Variants in GAK observed in about 807,000 individuals in gnomAD.
GAK encodes the protein cyclin G associated kinase, also known as cyclin-G-associated kinase.
A neutral mutation model predicts 143.9 loss-of-function variants in GAK; 79 were observed. The observed-to-expected ratio is 0.55, with a 90% CI of 0.46 to 0.66. The LOEUF is 0.66. Ranked by LOEUF, GAK falls within the 30% of genes least tolerant of loss-of-function variation. GAK has a pLI of 0.00. For missense variants in GAK, 1,693 were observed against 1,779.7 expected (o/e 0.95, Z 0.88); for synonymous variants, 881 against 765.5 (o/e 1.15, Z -2.49).
At chr4:859,555 A>T in intron 24 of GAK, 51 bp downstream of exon 24, 2 of 1,586,026 alleles carry the variant, frequency 1.3e-6, no homozygotes, top group Non-Finnish European at 1.7e-6. Flanking sequence ...ACGAGAATAA[A>T]CCTCCTACAA....
intron 11 of GAK, chr4:884,455 G>A (rs1028300620): frequency 1.2e-5 from 3 of 250,812 alleles, no homozygotes; most frequent in Non-Finnish European, 1.6e-5. Flanking sequence ...GAGAGCAAGG[G>A]TGGCTTGGAC....
At chr4:854,118 CTTTT>C (rs573575985) in intron 24 of GAK, among the ~76,000 whole-genome samples, 107 of 139,282 alleles carry the variant, frequency 7.7e-4, no homozygotes, top group South Asian at 4.7e-3. Flanking sequence ...CATTTTCTTT[CTTTT>C]TTTTTTTTTT....
intron 24 of GAK, chr4:859,259 C>T (rs1749834914): frequency 1.6e-6 from 2 of 1,220,234 alleles, no homozygotes; most frequent in Admixed American, 2.9e-5. Context: ...GCTCCGAGCA[C>T]AGCCTCGGGG....
At position 849,955 on chromosome 4, in the gene GAK, C is replaced by T. The variant is rs751145111; in HGVS notation, c.3771G>A (p.Leu1257=). 1.2e-6 allele frequency: 2 copies of T among 1,611,856 alleles called. No individual in the cohort carries two copies. Among genetic ancestry groups the T allele is most frequent in the Admixed American group, 1.7e-5 (1 of 59,924 alleles). ...SRWTPVGMAD[L]VAPEQVKKHY... ...GCTTCTTCACTTGCTCCGGAGCCAC[C>T]AGGTCGGCCATGCCCACGGGCGTCC... Residue 1257 remains leucine (L), a synonymous_variant, in exon 27 of 28, where the codon CTG becomes CTA. Coordinates refer to ENST00000314167, the MANE Select transcript of GAK (RefSeq NM_005255.4).
At chr4:857,137 G>A (rs1390412996) in intron 24 of GAK, among the ~76,000 whole-genome samples, 1 of 152,210 alleles carries the variant, frequency 6.6e-6, no homozygotes, top group African/African-American at 2.4e-5. Flanking sequence ...TAACAATTCT[G>A]AAATGTCAGC....
At chr4:894,868 C>T (rs1313241731) in intron 7 of GAK, 1 of 152,202 alleles carries the variant, frequency 6.6e-6, no homozygotes, top group African/African-American at 2.4e-5. Context: ...GTAGTCCCAG[C>T]TACTCAGGAG....
chr4:912,311 T>C, intron 3 of GAK: 1 of 388,830 alleles, frequency 2.6e-6, no homozygotes, highest in Non-Finnish European at 5.3e-6. Flanking sequence ...CGCCCAGTCA[T>C]GCTGGGACAG....
rs758194395 is a variant in GAK, at chr4:932,161, G to A, written c.27C>T (p.Asp9=). The A allele has an allele frequency of 1.2e-5, 19 of 1,577,534 alleles. No homozygotes were observed. Among genetic ancestry groups the A allele is most frequent in the Admixed American group, 7.2e-5 (4 of 55,722 alleles). Residue 9 remains aspartate (D), a synonymous_variant, in exon 1 of 28, where the codon GAC becomes GAT. Transcript: ENST00000314167. The surrounding 1 kb of genome is among the most constrained non-coding windows in gnomAD (Gnocchi z 4.0). ...CCAGGGAGCCTGGACCCGCCAAGAAGTCGAGCGCCGACTGCAGCAGCGACA... is the reference window on the plus strand; with the variant it reads ...CCAGGGAGCCTGGACCCGCCAAGAAATCGAGCGCCGACTGCAGCAGCGACA... MSLLQSAL[D]FLAGPGSLGG... is the part of the protein sequence containing the mutation.
At chr4:919,091 T>C (rs1325628749) in intron 1 of GAK, among the ~76,000 whole-genome samples, 1 of 147,580 alleles carries the variant, frequency 6.8e-6, no homozygotes, top group East Asian at 2.0e-4. Flanking sequence ...GACAGAAGGC[T>C]CCAAAGGCCT....
intron 4 of GAK, among the ~76,000 whole-genome samples, chr4:907,090 C>T (rs571327508): frequency 2.6e-5 from 4 of 152,352 alleles, no homozygotes; most frequent in East Asian, 3.9e-4. Flanking sequence ...CACAGCAGAG[C>T]GTGTAGCCGA....
intron 1 of GAK, among the ~76,000 whole-genome samples, chr4:928,837 C>G (rs1362131673): frequency 3.9e-5 from 6 of 152,034 alleles, no homozygotes; most frequent in Non-Finnish European, 8.8e-5. Context: ...GATCTTGGCT[C>G]ACCGCATCCT....
intron 4 of GAK, among the ~76,000 whole-genome samples, chr4:908,922 C>T: frequency 6.6e-6 from 1 of 152,190 alleles, no homozygotes. Flanking sequence ...TCACTGCAAC[C>T]TCCACCTCCC....
intron 1 of GAK, among the ~76,000 whole-genome samples, chr4:930,812 G>A (rs1035629616): frequency 6.6e-6 from 1 of 152,072 alleles, no homozygotes; most frequent in Non-Finnish European, 1.5e-5. Context: ...GACCACAATG[G>A]AGACAAAGTG....
At chr4:902,388 C>G (rs959253035) in intron 5 of GAK, among the ~76,000 whole-genome samples, 1 of 151,544 alleles carries the variant, frequency 6.6e-6, no homozygotes, top group Non-Finnish European at 1.5e-5. Flanking sequence ...GTGGATCACT[C>G]GAGCTCAGGA....
chr4:867,324 G>A lies in GAK; in HGVS notation c.2504C>T (p.Pro835Leu), dbSNP rs199860840. 46 of 1,610,734 alleles carry A rather than the reference G, an allele frequency of 2.9e-5. No individual in the cohort carries two copies. In the East Asian group the frequency reaches 7.6e-4, roughly 27 times the overall value. ...ESEVSDEGGS[P>L]ISSEGQEPRA... ...GGGTTCCTGGCCCTCGCTGGAGATC[G>A]GGGATCCCCCTTCATCTGACACCTC... is the stretch of plus-strand genomic sequence containing the variant. The change falls in exon 21 of 28, where the codon CCG (proline) becomes CTG (leucine). Residue 835 changes from proline (P) to leucine (L), a missense_variant. Pro to Leu is a moderately conservative substitution (Grantham distance 98). This residue lies in a region of GAK where 822 missense variants were observed against 788.7 expected (regional missense o/e 1.04). Transcript: ENST00000314167.
At chr4:861,412 C>A (rs1320130816) in intron 23 of GAK, among the ~76,000 whole-genome samples, 1 of 152,042 alleles carries the variant, frequency 6.6e-6, no homozygotes, top group African/African-American at 2.4e-5. Flanking sequence ...CAACACGGAC[C>A]CCATCTCTAC....
chr4:928,428 G>A (rs2152984214), intron 1 of GAK, among the ~76,000 whole-genome samples: 1 of 152,350 alleles, frequency 6.6e-6, no homozygotes, highest in South Asian at 2.1e-4. Context: ...ACTCTGGGAG[G>A]CCTAGGCCAG....
intron 4 of GAK, among the ~76,000 whole-genome samples, chr4:911,421 G>C (rs990372464): frequency 6.6e-6 from 1 of 152,326 alleles, no homozygotes; most frequent in Non-Finnish European, 1.5e-5. Flanking sequence ...TGGGAGCCCG[G>C]CTCTCTGGCT....
At chr4:890,873 A>C (rs973113971) in intron 9 of GAK, among the ~76,000 whole-genome samples, 1 of 151,766 alleles carries the variant, frequency 6.6e-6, no homozygotes, top group Non-Finnish European at 1.5e-5. Context: ...ACTCCAGCCC[A>C]GCTTTTCAGA....
Sources: allele counts gnomAD v4.1 joint callset (sites outside exome capture counted in the v4.1 genomes callset), GRCh38; gene constraint gnomAD v4.1.1; regional missense constraint gnomAD v4.1.1; non-coding constraint Gnocchi (gnomAD v3.1); transcripts MANE v1.5; gene names NCBI Gene and HGNC (gene_info 2026-07-23, HGNC 2026-07-21).